Variants in CYP46A1 observed in about 807,000 individuals in gnomAD.
The protein encoded by CYP46A1 is cytochrome P450 family 46 subfamily A member 1, also known as cholesterol 24-hydroxylase.
In CYP46A1, 20 loss-of-function variants were observed where a neutral mutation model predicts 63.3. The ratio of observed to expected loss-of-function variants is 0.32; its 90% CI spans 0.22 to 0.46. The LOEUF is 0.46. Among genes scored for constraint, CYP46A1 ranks in the 20% least tolerant of loss-of-function variants. The pLI is 1.00. For synonymous variants in CYP46A1, 268 were observed against 273.6 expected, an observed-to-expected ratio of 0.98 and a Z score of 0.20; for missense variants, 445 against 670.8, an observed-to-expected ratio of 0.66 and a Z score of 3.72.
chr14:99,702,597 A>T (rs1463216229), intron 5 of CYP46A1, among the ~76,000 whole-genome samples: 1 of 152,136 alleles, frequency 6.6e-6, no homozygotes, highest in East Asian at 1.9e-4. Flanking sequence ...TCTTTTACCC[A>T]GATTCACTTA....
chr14:99,695,161 C>G lies in CYP46A1; in HGVS notation c.282+3300C>G, dbSNP rs146152099. On this transcript the variant is annotated intron_variant, in intron 3 of 14. Transcript: ENST00000261835. ...TAAAGTCAGAGAGAATACTCATCAT[C>G]ATGATTTCAGTCCTTTTAAATTAAT... Among the ~76,000 whole-genome samples the G allele has an allele frequency of 3.0e-3, 456 of 152,292 alleles. 2 individuals carry two copies. The highest frequency in any genetic ancestry group is 0.01 in the African/African-American group (436 of 41,564).
intron 1 of CYP46A1, among the ~76,000 whole-genome samples, chr14:99,690,357 T>C (rs1220163358): frequency 6.6e-6 from 1 of 152,204 alleles, no homozygotes; most frequent in Non-Finnish European, 1.5e-5. Flanking sequence ...TTCCCCGTAC[T>C]CTGTTCTCTT....
chr14:99,720,946 G>T (rs746983613), intron 10 of CYP46A1, among the ~76,000 whole-genome samples: 3 of 151,520 alleles, frequency 2.0e-5, no homozygotes, highest in Non-Finnish European at 4.4e-5. Flanking sequence ...TTAGCTGAGC[G>T]TGCTGGTGGG....
At chr14:99,698,601 T>C (rs1437117006) in intron 3 of CYP46A1, among the ~76,000 whole-genome samples, 3 of 152,162 alleles carry the variant, frequency 2.0e-5, no homozygotes, top group Admixed American at 6.5e-5. Flanking sequence ...TTATGTAGAA[T>C]TGACACTCTT....
intron 5 of CYP46A1, among the ~76,000 whole-genome samples, chr14:99,702,461 G>A (rs953917256): frequency 4.6e-5 from 7 of 152,044 alleles, no homozygotes; most frequent in Non-Finnish European, 7.4e-5. Context: ...TTTCTCCTGG[G>A]TATTTACCTA....
Position 99,699,523 on chromosome 14 carries a change from A to T in CYP46A1, c.340A>T (p.Thr114Ser), listed in dbSNP as rs980480593. 2.5e-6 allele frequency: 4 copies of T among 1,613,998 alleles called. No individual in the cohort carries two copies. The African/African-American group carries it at 5.3e-5, about 22-fold the overall frequency. ...KDSKMYRALQTVFGERLFGQG... is the reference protein window; with the variant it reads ...KDSKMYRALQSVFGERLFGQG... ...CTCCAAGATGTACCGTGCGCTCCAGACTGTGTTTGGTGAGAGGTAAGGAGG... is the reference window on the plus strand; with the variant it reads ...CTCCAAGATGTACCGTGCGCTCCAGTCTGTGTTTGGTGAGAGGTAAGGAGG... Residue 114 changes from threonine (T) to serine (S), a missense_variant, in exon 4 of 15, where the codon ACT (threonine) becomes TCT (serine). Thr to Ser is a moderately conservative substitution (Grantham distance 58). Coordinates refer to ENST00000261835, the MANE Select transcript of CYP46A1 (RefSeq NM_006668.2).
At chr14:99,705,285 C>G (rs2140123887) in intron 5 of CYP46A1, among the ~76,000 whole-genome samples, 1 of 152,328 alleles carries the variant, frequency 6.6e-6, no homozygotes, top group Non-Finnish European at 1.5e-5. Flanking sequence ...ATAGCTTACT[C>G]TAACCTTGAC....
At chr14:99,721,920 G>T (rs763875159) in intron 11 of CYP46A1, 36 bp from the exon 12 acceptor site, 1 of 1,564,594 alleles carries the variant, frequency 6.4e-7, no homozygotes, top group Non-Finnish European at 8.8e-7. Flanking sequence ...GGCCTCTCCC[G>T]ACTCTCCTTG....
intron 1 of CYP46A1, among the ~76,000 whole-genome samples, chr14:99,689,286 G>A (rs2056523040): frequency 6.6e-6 from 1 of 152,168 alleles, no homozygotes; most frequent in Non-Finnish European, 1.5e-5. Context: ...AAGAAATGAA[G>A]TGTAAGTAGT....
intron 1 of CYP46A1, among the ~76,000 whole-genome samples, chr14:99,690,316 A>G (rs554174968): frequency 6.6e-6 from 1 of 152,312 alleles, no homozygotes; most frequent in Non-Finnish European, 1.5e-5. Context: ...TTTTAAACGG[A>G]CACCCACACA....
At chr14:99,704,384 G>A (rs2056657505) in intron 5 of CYP46A1, among the ~76,000 whole-genome samples, 3 of 152,104 alleles carry the variant, frequency 2.0e-5, no homozygotes, top group Admixed American at 6.5e-5. Flanking sequence ...ATTGAGCCTT[G>A]GTGAATCCTA....
In CYP46A1 at chr14:99,725,362, C is replaced by T; in HGVS notation, c.1177-29C>T. 1 of 1,602,526 alleles carries T rather than the reference C, an allele frequency of 6.2e-7. No individual in the cohort carries two copies. ...AGGTGCCAGGGGAACAACCTGGGAACCAGAGATGAGCGGACCCTTTGCCCG... is the reference window on the plus strand; with the variant it reads ...AGGTGCCAGGGGAACAACCTGGGAATCAGAGATGAGCGGACCCTTTGCCCG... On this transcript the variant is annotated intron_variant, in intron 12 of 14. Transcript: ENST00000261835. This position sits in a 1 kb window ranked among gnomAD's most constrained non-coding sequence, Gnocchi z 4.2.
chr14:99,718,122 G>A lies in CYP46A1; in HGVS notation c.976G>A (p.Ala326Thr), dbSNP rs780189156. ...GCTGTCTCGCCAGCCAGAGATCGTG[G>A]CAAGGTATGGGGGCTGCTCTTGGGG... ...MELSRQPEIV[A>T]RLQAEVDEVI... Residue 326 changes from alanine to threonine, a missense_variant, in exon 10 of 15, where the codon GCA becomes ACA. This residue lies in a region of CYP46A1 where 95 missense variants were observed against 156.9 expected (regional missense o/e 0.61). Transcript: ENST00000261835. 2.4e-5 allele frequency: 39 copies of A among 1,613,920 alleles called. No individual in the cohort carries two copies. In the Admixed American group the frequency reaches 6.3e-4, roughly 26 times the overall value.
chr14:99,699,964 C>CGGGGGGGGGGGGGGGGGGGG, intron 4 of CYP46A1, 51 bp from the exon 5 acceptor site: 8 of 773,852 alleles, frequency 1.0e-5, no homozygotes, highest in Non-Finnish European at 1.7e-5. Flanking sequence ...ATCAAGCAGT[C>CGGGGGGGGGGGGGGGGGGGG]GCTCCCCACC....
chr14:99,721,195 C>G, intron 10 of CYP46A1, 44 bp from the exon 11 acceptor site: 1 of 1,467,540 alleles, frequency 6.8e-7, no homozygotes, highest in Non-Finnish European at 9.6e-7. Context: ...AAGTCGGGGA[C>G]AGGCTCCCTT....
intron 5 of CYP46A1, among the ~76,000 whole-genome samples, chr14:99,701,758 C>A (rs1475909422): frequency 1.3e-5 from 2 of 152,126 alleles, no homozygotes; most frequent in African/African-American, 4.8e-5. Flanking sequence ...CATTTTAGAA[C>A]ATTTTCATCA....
chr14:99,701,915 C>T (rs1351543173), intron 5 of CYP46A1, among the ~76,000 whole-genome samples: 2 of 151,886 alleles, frequency 1.3e-5, no homozygotes, highest in Non-Finnish European at 2.9e-5. Flanking sequence ...ACTAAAGATA[C>T]AAAAATTAGC....
intron 3 of CYP46A1, among the ~76,000 whole-genome samples, chr14:99,692,273 A>T (rs1439350970): frequency 2.0e-5 from 3 of 152,268 alleles, no homozygotes; most frequent in African/African-American, 7.2e-5. Context: ...AGTGCTTACT[A>T]TGTACTTTTC....
intron 7 of CYP46A1, chr14:99,708,314 T>C (rs1325010598): frequency 7.8e-5 from 12 of 154,544 alleles, no homozygotes; most frequent in African/African-American, 3.2e-4. Context: ...CTACCATGAC[T>C]GCTGCCACCA....
Sources: allele counts gnomAD v4.1 joint callset (sites outside exome capture counted in the v4.1 genomes callset), GRCh38; gene constraint gnomAD v4.1.1; regional missense constraint gnomAD v4.1.1; non-coding constraint Gnocchi (gnomAD v3.1); transcripts MANE v1.5; gene names NCBI Gene and HGNC (gene_info 2026-07-23, HGNC 2026-07-21).